GNB1L: variants seen among roughly 807,000 people sequenced by gnomAD.
GNB1L encodes the protein guanine nucleotide-binding protein subunit beta-like protein 1.
GNB1L carries 20 observed loss-of-function variants against 29.1 expected under a neutral mutation model. The observed-to-expected ratio is 0.69, with a 90% CI of 0.48 to 1.00. GNB1L has a LOEUF of 1.00. Ranked by LOEUF, GNB1L falls within the 50% of genes least tolerant of loss-of-function variation. The pLI, the probability that GNB1L is intolerant of heterozygous loss-of-function variation, is 0.00. For synonymous variants in GNB1L, 193 were observed against 206.5 expected (o/e 0.93, Z 0.56); for missense variants, 421 against 464.9 (o/e 0.91, Z 0.87).
intron 5 of GNB1L, among the ~76,000 whole-genome samples, chr22:19,811,928 C>T (rs1290592729): frequency 1.3e-5 from 2 of 152,194 alleles, no homozygotes; most frequent in East Asian, 3.9e-4. Flanking sequence ...TCCTCAGGGC[C>T]TGAGCAGTCT....
At chr22:19,810,880 G>A (rs1033746151) in intron 5 of GNB1L, among the ~76,000 whole-genome samples, 1 of 152,240 alleles carries the variant, frequency 6.6e-6, no homozygotes, top group African/African-American at 2.4e-5. Context: ...AGGGAGAGCT[G>A]AAAGCTAGGA....
At chr22:19,839,768 T>C (rs1937825726) in intron 2 of GNB1L, among the ~76,000 whole-genome samples, 1 of 152,008 alleles carries the variant, frequency 6.6e-6, no homozygotes, top group Non-Finnish European at 1.5e-5. Flanking sequence ...TAATCCCACC[T>C]GCTCAGGAGG....
intron 2 of GNB1L, among the ~76,000 whole-genome samples, chr22:19,833,424 G>A (rs530826930): frequency 4.1e-4 from 62 of 152,244 alleles, no homozygotes; most frequent in African/African-American, 1.2e-3. Context: ...ACATAAAGTG[G>A]GCCAGGCGTG....
In GNB1L at chr22:19,820,668, T is replaced by G. The variant is rs772707311; in HGVS notation, c.184A>C (p.Thr62Pro). ...WSLQTRRAVT[T>P]LDGHGGQCVT... ...CACTGGCCGCCGTGGCCATCCAGGG[T>G]GGTAACCGCTCTCCGCGTCTGCAGG... Residue 62 changes from threonine to proline, a missense_variant, in exon 4 of 8, where the codon ACC becomes CCC. By Grantham distance (38) the Thr-to-Pro change is conservative (BLOSUM62 -1). Coordinates refer to ENST00000329517, the MANE Select transcript of GNB1L (RefSeq NM_053004.3). 8.1e-6 allele frequency: 13 copies of G among 1,613,256 alleles called. No individual in the cohort carries two copies. In the South Asian group the frequency reaches 1.4e-4, roughly 18 times the overall value.
intron 7 of GNB1L, among the ~76,000 whole-genome samples, chr22:19,801,445 C>G (rs1283158692): frequency 6.6e-6 from 1 of 152,158 alleles, no homozygotes; most frequent in African/African-American, 2.4e-5. Flanking sequence ...GAGCCACAGG[C>G]CCAGACAGGG....
At chr22:19,848,906 G>A (rs1181996545) in intron 2 of GNB1L, 3 of 985,192 alleles carry the variant, frequency 3.0e-6, no homozygotes, top group East Asian at 2.3e-4. Flanking sequence ...AAGGTCAGCT[G>A]GGTGACTAGG....
chr22:19,836,896 A>G (rs1937773178), intron 2 of GNB1L, among the ~76,000 whole-genome samples: 1 of 152,210 alleles, frequency 6.6e-6, no homozygotes, highest in Non-Finnish European at 1.5e-5. Context: ...AACCCTCAGA[A>G]AGCATAATCC....
In GNB1L at chr22:19,788,204, C is replaced by T. The variant is rs982799057; in HGVS notation, c.*505G>A. ...GTGTGTTGGGAGCTCCTGGCCTCCT[C>T]GGGGTGAGGGGTCATGTGGACATCG... On this transcript the variant is annotated 3_prime_UTR_variant, in exon 8 of 8. Transcript: ENST00000329517. 1.6e-5 allele frequency: 4 copies of T among 248,174 alleles called. No individual in the cohort carries two copies. The highest frequency in any genetic ancestry group is 8.9e-5 in the East Asian group (1 of 11,240). The allele number at this position is 248,174 out of a possible 1,614,324, so 15.4% of individuals were successfully genotyped here.
At chr22:19,824,380 G>T (rs1937602978) in intron 2 of GNB1L, among the ~76,000 whole-genome samples, 1 of 152,246 alleles carries the variant, frequency 6.6e-6, no homozygotes, top group African/African-American at 2.4e-5. Context: ...TGTCCTTGCG[G>T]TGGCCCCGGC....
At chr22:19,833,179 T>C (rs188814574) in intron 2 of GNB1L, among the ~76,000 whole-genome samples, 162 of 152,290 alleles carry the variant, frequency 1.1e-3, no homozygotes, top group African/African-American at 3.8e-3. Flanking sequence ...AAAAAGCCAA[T>C]TTACAGATGC....
At chr22:19,842,551 T>C (rs1281703183) in intron 2 of GNB1L, among the ~76,000 whole-genome samples, 1 of 152,200 alleles carries the variant, frequency 6.6e-6, no homozygotes, top group Non-Finnish European at 1.5e-5. Context: ...GAGGTGGTCC[T>C]GCCATAAATA....
chr22:19,833,684 T>C (rs1937717432), intron 2 of GNB1L, among the ~76,000 whole-genome samples: 1 of 151,950 alleles, frequency 6.6e-6, no homozygotes, highest in Non-Finnish European at 1.5e-5. Context: ...GCCAACATGG[T>C]GAAACCCTGA....
At chr22:19,821,419 T>C (rs2145882392) in intron 2 of GNB1L, 44 bp from the exon 3 acceptor site, 1 of 1,577,874 alleles carries the variant, frequency 6.3e-7, no homozygotes, top group Non-Finnish European at 8.6e-7. Flanking sequence ...GTCCCTATTC[T>C]CACCCTCTAG....
intron 7 of GNB1L, 57 bp from the exon 8 acceptor site, chr22:19,789,017 C>A: frequency 6.6e-7 from 1 of 1,525,206 alleles, no homozygotes; most frequent in Non-Finnish European, 8.9e-7. Flanking sequence ...GCAGTGCTGC[C>A]CCTGGTGCCC....
At chr22:19,794,911 G>T (rs1457674751) in intron 7 of GNB1L, among the ~76,000 whole-genome samples, 1 of 152,152 alleles carries the variant, frequency 6.6e-6, no homozygotes, top group East Asian at 1.9e-4. Flanking sequence ...AACCTGGGAG[G>T]CGGAGGTTGC....
intron 2 of GNB1L, among the ~76,000 whole-genome samples, chr22:19,842,711 C>T (rs1937883281): frequency 6.6e-6 from 1 of 152,250 alleles, no homozygotes; most frequent in Admixed American, 6.5e-5. Context: ...CCACAAAGGA[C>T]CAGAAACCCT....
At chr22:19,824,934 G>C (rs905549462) in intron 2 of GNB1L, among the ~76,000 whole-genome samples, 1 of 152,166 alleles carries the variant, frequency 6.6e-6, no homozygotes, top group African/African-American at 2.4e-5. Context: ...CTGGGCCCCC[G>C]CCCTGCCCTC....
intron 2 of GNB1L, chr22:19,851,137 G>GGGGCAGCATTGTTCCCACCTGGATGAA: frequency 6.4e-7 from 1 of 1,552,668 alleles, no homozygotes; most frequent in South Asian, 1.2e-5. Flanking sequence ...TTCATCATGA[G>GGGGCAGCATTGTTCCCACCTGGATGAA]GGGCAGCATT....
At chr22:19,850,307 C>T in intron 2 of GNB1L, 1 of 983,178 alleles carries the variant, frequency 1.0e-6, no homozygotes. Flanking sequence ...GACAGAGCCC[C>T]TGTGCTGAGG....
Sources: gnomAD v4.1 joint callset for allele counts (sites outside exome capture counted in the v4.1 genomes callset) on GRCh38, gnomAD v4.1.1 for gene constraint, MANE v1.5 for transcripts, NCBI Gene and HGNC (gene_info 2026-07-23, HGNC 2026-07-21) for gene names.